AHNAK: variants seen among roughly 807,000 people sequenced by gnomAD.
AHNAK encodes the protein neuroblast differentiation-associated protein AHNAK.
AHNAK carries 23 observed loss-of-function variants against 37.8 expected under a neutral mutation model. That is an observed-to-expected ratio of 0.61 (90% CI 0.44 to 0.86). AHNAK has a LOEUF of 0.86. Ranked by LOEUF, AHNAK falls within the 40% of genes least tolerant of loss-of-function variation. The pLI is 0.00. For missense variants in AHNAK, 7,411 were observed against 7,319.4 expected, an observed-to-expected ratio of 1.01 and a Z score of -0.46; for synonymous variants, 2,481 against 2,636.3, an observed-to-expected ratio of 0.94 and a Z score of 1.80.
intron 4 of AHNAK, among the ~76,000 whole-genome samples, chr11:62,506,822 C>T (rs1425398490): frequency 6.6e-6 from 1 of 152,088 alleles, no homozygotes; most frequent in African/African-American, 2.4e-5. Flanking sequence ...AGGAGAGCCT[C>T]GGGAGGGACT....
intron 4 of AHNAK, among the ~76,000 whole-genome samples, chr11:62,495,499 G>A (rs539664869): frequency 2.0e-5 from 3 of 152,020 alleles, no homozygotes; most frequent in East Asian, 1.9e-4. Flanking sequence ...TTGGGAGGCC[G>A]AGGCAGGCAG....
intron 5 of AHNAK, among the ~76,000 whole-genome samples, chr11:62,455,077 C>A (rs116546755): frequency 0.011 from 1,639 of 151,836 alleles, 36 homozygotes; most frequent in African/African-American, 0.038. Context: ...GGATTACAGA[C>A]GTACGCCACC....
Position 62,531,500 on chromosome 11 carries a change from C to T in AHNAK, c.2917G>A (p.Gly973Arg). The T allele has an allele frequency of 1.9e-6, 3 of 1,614,216 alleles. No homozygotes were observed. The highest frequency in any genetic ancestry group is 2.5e-6 in the Non-Finnish European group (3 of 1,180,036). ...EYDMTVPKLE[G>R]DLKGPKVDVS... ...TCTACTTTTGGGCCTTTCAGGTCCC[C>T]TTCCAGCTTTGGCACTGTCATATCA... The change falls in exon 5 of 5, where the codon GGG becomes AGG. Residue 973 changes from glycine (G) to arginine (R), a missense_variant. Transcript: ENST00000378024.
intron 4 of AHNAK, among the ~76,000 whole-genome samples, chr11:62,510,605 A>G (rs1590639577): frequency 6.6e-6 from 1 of 152,054 alleles, no homozygotes; most frequent in East Asian, 2.0e-4. Context: ...TTAGGCAGGC[A>G]TGATGGCACA....
chr11:62,503,255 A>C (rs1418135317), intron 4 of AHNAK, among the ~76,000 whole-genome samples: 1 of 152,208 alleles, frequency 6.6e-6, no homozygotes, highest in Non-Finnish European at 1.5e-5. Context: ...GCCTCAGCGG[A>C]CACACAGGAT....
chr11:62,513,210 G>C (rs1364933321), downstream of AHNAK, among the ~76,000 whole-genome samples: 1 of 152,170 alleles, frequency 6.6e-6, no homozygotes, highest in Non-Finnish European at 1.5e-5. Context: ...GGACCTTAGA[G>C]TGTCAGACCT....
Position 62,526,394 on chromosome 11 carries a change from C to G in AHNAK, c.8023G>C (p.Asp2675His). The G allele has an allele frequency of 6.2e-7, 1 of 1,610,068 alleles. No individual in the cohort carries two copies. The highest frequency in any genetic ancestry group is 8.5e-7 in the Non-Finnish European group (1 of 1,179,040). Residue 2675 changes from aspartate to histidine, a missense_variant, in exon 5 of 5, where the codon GAC becomes CAC. Transcript: ENST00000378024. Reference protein sequence around the residue: ...ADIDVSGPKVDIEGPDVNIEG... With the variant: ...ADIDVSGPKVHIEGPDVNIEG... ...ATGTTAACATCAGGGCCTTCAATGT[C>G]CACTTTGGGTCCTGAGACATCAATG...
rs373868476 is a variant in AHNAK, at chr11:62,518,527, A to C, written c.15890T>G (p.Val5297Gly). The change falls in exon 5 of 5, where the codon GTC (valine) becomes GGC (glycine). Residue 5297 changes from valine to glycine, a missense_variant. Val to Gly is a moderately radical substitution (Grantham distance 109). Coordinates refer to ENST00000378024, the MANE Select transcript of AHNAK (RefSeq NM_001620.3). ...GTTCAGATCAAGGTCAGGCCCAGAGACTTTTGGCATAGAGAGGTTCACTGA... is the reference window on the plus strand; with the variant it reads ...GTTCAGATCAAGGTCAGGCCCAGAGCCTTTTGGCATAGAGAGGTTCACTGA... The part of the protein sequence containing the change: ...LPSVNLSMPK[V>G]SGPDLDLNLK... 4.3e-5 allele frequency: 70 copies of C among 1,613,868 alleles called. No homozygotes were observed. The highest frequency in any genetic ancestry group is 5.9e-5 in the Non-Finnish European group (70 of 1,180,014).
At chr11:62,494,326 T>A (rs1404673418) in intron 4 of AHNAK, among the ~76,000 whole-genome samples, 1 of 152,092 alleles carries the variant, frequency 6.6e-6, no homozygotes, top group Non-Finnish European at 1.5e-5. Flanking sequence ...CAGTTTCTAG[T>A]TATAAAATGA....
chr11:62,437,046 A>G (rs1938187408), intron 5 of AHNAK, among the ~76,000 whole-genome samples: 1 of 152,066 alleles, frequency 6.6e-6, no homozygotes, highest in Non-Finnish European at 1.5e-5. Flanking sequence ...CCACCACTCC[A>G]GGCCACATAA....
chr11:62,478,374 T>A (rs1242160325), intron 5 of AHNAK, among the ~76,000 whole-genome samples: 2 of 152,176 alleles, frequency 1.3e-5, no homozygotes, highest in African/African-American at 2.4e-5. Flanking sequence ...CAAGAATGCC[T>A]CTTCTTTGAT....
intron 5 of AHNAK, among the ~76,000 whole-genome samples, chr11:62,490,955 T>C (rs899341377): frequency 6.6e-6 from 1 of 151,844 alleles, no homozygotes; most frequent in Non-Finnish European, 1.5e-5. Flanking sequence ...ACCCGGCTAA[T>C]TTTTATATTT....
Position 62,529,870 on chromosome 11 carries a change from G to A in AHNAK, c.4547C>T (p.Pro1516Leu). 6.2e-7 allele frequency: 1 copy of A among 1,613,646 alleles called. No homozygotes were observed. Among genetic ancestry groups the A allele is most frequent in the Non-Finnish European group, 8.5e-7 (1 of 1,179,926 alleles). Residue 1516 changes from proline (P) to leucine (L), a missense_variant, in exon 5 of 5, where the codon CCC becomes CTC. Physicochemically the swap from Pro to Leu is moderately conservative, Grantham distance 98. Transcript: ENST00000378024. ...TTTAAAGCCAGGCATGCTGAACTTGGGCATTTTTACCTTGGGCATCTTCAG... is the reference window on the plus strand; with the variant it reads ...TTTAAAGCCAGGCATGCTGAACTTGAGCATTTTTACCTTGGGCATCTTCAG... Reference protein sequence around the residue: ...WHLKMPKVKMPKFSMPGFKGE... With the variant: ...WHLKMPKVKMLKFSMPGFKGE...
Position 62,523,007 on chromosome 11 carries a change from T to A in AHNAK, c.11410A>T (p.Met3804Leu), listed in dbSNP as rs758306694. Residue 3804 changes from methionine (M) to leucine (L), a missense_variant, in exon 5 of 5, where the codon ATG (methionine) becomes TTG (leucine). Transcript: ENST00000378024. ...AACTTGGGCATTTTCACCTTGGGCA[T>A]CTTCAGGTGCCAGTCTGGGCCTTGA... ...DVQGPDWHLK[M>L]PKVKMPKFSM... 3 of 1,614,066 alleles carry A rather than the reference T, an allele frequency of 1.9e-6. No individual in the cohort carries two copies. The highest frequency in any genetic ancestry group is 2.5e-6 in the Non-Finnish European group (3 of 1,180,014).
chr11:62,543,828 G>A (rs941568087), intron 1 of AHNAK, among the ~76,000 whole-genome samples: 4 of 152,160 alleles, frequency 2.6e-5, no homozygotes, highest in African/African-American at 4.8e-5. Flanking sequence ...CCTCCCCAGC[G>A]GCCATCACCC....
intron 5 of AHNAK, among the ~76,000 whole-genome samples, chr11:62,469,699 C>T (rs908410972): frequency 3.9e-5 from 6 of 152,018 alleles, no homozygotes; most frequent in Non-Finnish European, 7.4e-5. Context: ...AACTCCTGGC[C>T]TCACGTGATC....
intron 2 of AHNAK, 38 bp downstream of exon 2, chr11:62,536,431 G>A (rs913117283): frequency 6.3e-5 from 15 of 237,398 alleles, no homozygotes; most frequent in East Asian, 2.5e-4. Flanking sequence ...CCCACATCCC[G>A]TCACCTCCGC....
chr11:62,539,382 C>T (rs916486193), intron 1 of AHNAK, among the ~76,000 whole-genome samples: 1 of 152,248 alleles, frequency 6.6e-6, no homozygotes, highest in African/African-American at 2.4e-5. Flanking sequence ...GCTGTGCCAG[C>T]AGCCAGCGAG....
Position 62,490,197 on chromosome 11 carries a change from CTTTTTTT to C in AHNAK, c.442+1528_442+1534del, listed in dbSNP as rs944550481. 9.8e-4 allele frequency among the ~76,000 whole-genome samples: 114 copies of C among 115,932 alleles called. 2 individuals carry two copies. In the East Asian group the frequency reaches 0.026, roughly 26 times the overall value. The allele number at this position is 115,932 out of a possible 152,430, so 76.1% of individuals were successfully genotyped here. ...GGGAGGCTTTCTTTCTTTTCTTTTT[CTTTTTTT>C]TTTTTTTTTTTTTTTGAGACAGAGT... On this transcript the variant is annotated intron_variant, in intron 5 of 5. Coordinates refer to the AHNAK transcript ENST00000257247.
Sources: gnomAD v4.1 joint callset for allele counts (sites outside exome capture counted in the v4.1 genomes callset) on GRCh38, gnomAD v4.1.1 for gene constraint, MANE v1.5 for transcripts, NCBI Gene and HGNC (gene_info 2026-07-23, HGNC 2026-07-21) for gene names.